RAD18: variants seen among roughly 807,000 people sequenced by gnomAD.
RAD18 encodes E3 ubiquitin-protein ligase RAD18.
Under a neutral mutation model 60.4 loss-of-function variants are expected in RAD18, and 47 were observed. That is an observed-to-expected ratio of 0.78 (90% confidence interval 0.62 to 0.99). The LOEUF (loss-of-function observed/expected upper bound fraction) is 0.99, where lower values mean the gene tolerates loss of function less well. Ranked by LOEUF, RAD18 falls within the 50% of genes least tolerant of loss-of-function variation. The pLI, the probability that RAD18 is intolerant of heterozygous loss-of-function variation, is 0.00. For synonymous variants in RAD18, 225 were observed against 195.5 expected (o/e 1.15, Z -1.26); for missense variants, 640 against 593.3 (o/e 1.08, Z -0.82).
chr3:8,925,252 A>G (rs1208945748), intron 7 of RAD18, among the ~76,000 whole-genome samples: 2 of 152,194 alleles, frequency 1.3e-5, no homozygotes, highest in East Asian at 3.8e-4. Context: ...CCACAGAAAT[A>G]CAAATTACCA....
Position 8,905,797 on chromosome 3 carries a change from A to T in RAD18, c.1028-3277T>A, listed in dbSNP as rs545251909. 2.0e-5 allele frequency among the ~76,000 whole-genome samples: 3 copies of T among 152,258 alleles called. No homozygotes were observed. In the South Asian group the frequency reaches 6.2e-4, roughly 32 times the overall value. Reference sequence around the variant, plus strand: ...CTATTCTCCAAAATATCTATCTCACACTTTCTTCTCTTCATTCAAATATTC... The same window carrying T: ...CTATTCTCCAAAATATCTATCTCACTCTTTCTTCTCTTCATTCAAATATTC... On this transcript the variant is annotated intron_variant, in intron 9 of 12. Transcript: ENST00000264926.
intron 7 of RAD18, among the ~76,000 whole-genome samples, chr3:8,918,884 CAAT>C (rs1940258706): frequency 6.6e-6 from 1 of 152,186 alleles, no homozygotes; most frequent in South Asian, 2.1e-4. Context: ...CCCATAGCAA[CAAT>C]GTCAGTGGAA....
At chr3:8,893,048 T>C (rs1939720531) in intron 11 of RAD18, among the ~76,000 whole-genome samples, 1 of 152,210 alleles carries the variant, frequency 6.6e-6, no homozygotes, top group South Asian at 2.1e-4. Flanking sequence ...CAAATGTCAG[T>C]TCCATTTTCA....
At chr3:8,888,741 T>C (rs982511489) in intron 12 of RAD18, among the ~76,000 whole-genome samples, 1 of 152,246 alleles carries the variant, frequency 6.6e-6, no homozygotes, top group African/African-American at 2.4e-5. Flanking sequence ...TTTACCTCTC[T>C]GGAGCCGAGC....
intron 1 of RAD18, 96 bp from the exon 2 acceptor site, chr3:8,959,097 A>T (rs1941057838): frequency 1.1e-6 from 1 of 931,262 alleles, no homozygotes; most frequent in Non-Finnish European, 1.7e-6. Context: ...AAAAAAATCA[A>T]ACTCTTTGTC....
chr3:8,947,782 C>G (rs987094034), intron 3 of RAD18, among the ~76,000 whole-genome samples: 2 of 152,194 alleles, frequency 1.3e-5, no homozygotes, highest in Non-Finnish European at 2.9e-5. Flanking sequence ...AGCGATGAGA[C>G]CATCTTGTCA....
At chr3:8,916,924 TGAA>T (rs1940211080) in intron 7 of RAD18, among the ~76,000 whole-genome samples, 1 of 152,102 alleles carries the variant, frequency 6.6e-6, no homozygotes, top group Non-Finnish European at 1.5e-5. Flanking sequence ...AAGAAATCGT[TGAA>T]GAACTGTCTA....
intron 7 of RAD18, among the ~76,000 whole-genome samples, chr3:8,933,621 A>G (rs1392303257): frequency 3.3e-5 from 5 of 152,224 alleles, no homozygotes; most frequent in Non-Finnish European, 7.3e-5. Flanking sequence ...CAAAAATATC[A>G]GAGAATAACT....
Position 8,902,611 on chromosome 3 carries a change from G to A in RAD18, c.1028-91C>T. On this transcript the variant is annotated intron_variant, in intron 9 of 12. Transcript: ENST00000264926. ...ACTGAATATCAAGAGGTGTACAAGG[G>A]ATGGGCATGGTGGCTTACGCCTGTA... 11 of 1,297,686 alleles carry A rather than the reference G, an allele frequency of 8.5e-6. No homozygotes were observed. The South Asian group carries it at 1.7e-4, about 21-fold the overall frequency. The allele number at this position is 1,297,686 out of a possible 1,614,324, so 80.4% of individuals were successfully genotyped here.
intron 8 of RAD18, among the ~76,000 whole-genome samples, chr3:8,913,361 C>T (rs1437566831): frequency 6.6e-6 from 1 of 152,166 alleles, no homozygotes; most frequent in African/African-American, 2.4e-5. Context: ...CAAACACAAC[C>T]AGCAGAGAAA....
chr3:8,925,602 C>A (rs1006678189), intron 7 of RAD18, among the ~76,000 whole-genome samples: 5 of 152,084 alleles, frequency 3.3e-5, no homozygotes, highest in African/African-American at 9.7e-5. Context: ...GGCAAAGACA[C>A]AACAAAAAAA....
intron 9 of RAD18, among the ~76,000 whole-genome samples, chr3:8,906,822 A>G (rs371811444): frequency 2.1e-5 from 3 of 142,080 alleles, no homozygotes; most frequent in African/African-American, 7.9e-5. Flanking sequence ...AAAATATGTT[A>G]TTTATGCTAA....
At chr3:8,883,147 A>G (rs1437335442) in intron 12 of RAD18, among the ~76,000 whole-genome samples, 3 of 152,222 alleles carry the variant, frequency 2.0e-5, no homozygotes, top group Non-Finnish European at 4.4e-5. Flanking sequence ...CTGTGGGACA[A>G]TAAAAATGGC....
rs1940147061 is a variant in RAD18 at position 8,913,716 on chromosome 3, A to G, written c.894T>C (p.Ala298=). Residue 298 remains alanine, a synonymous_variant, in exon 8 of 13, where the codon GCT becomes GCC. Transcript: ENST00000264926. ...QCDALHPKSA[A]EIVREIENIE... Reference sequence around the variant, plus strand: ...TATTTTCGATTTCTCGAACTATTTCAGCAGCTGTTAAAATAAGAAAATAAC... The same window carrying G: ...TATTTTCGATTTCTCGAACTATTTCGGCAGCTGTTAAAATAAGAAAATAAC... 2.6e-6 allele frequency: 4 copies of G among 1,550,056 alleles called. No homozygotes were observed. In the South Asian group the frequency reaches 4.8e-5, roughly 19 times the overall value.
intron 5 of RAD18, among the ~76,000 whole-genome samples, chr3:8,939,943 T>C (rs902237543): frequency 6.6e-6 from 1 of 152,204 alleles, no homozygotes; most frequent in African/African-American, 2.4e-5. Flanking sequence ...GGTTACATCT[T>C]TTCTACCAAG....
intron 2 of RAD18, among the ~76,000 whole-genome samples, chr3:8,950,370 A>C (rs45441803): frequency 0.021 from 3,201 of 152,224 alleles, 63 homozygotes; most frequent in Non-Finnish European, 0.025. Context: ...CTCCCTCAGA[A>C]GAAACTATTT....
intron 12 of RAD18, among the ~76,000 whole-genome samples, chr3:8,881,919 G>A (rs1018418050): frequency 6.6e-6 from 1 of 152,244 alleles, no homozygotes; most frequent in African/African-American, 2.4e-5. Context: ...GAGTGTTGGA[G>A]AACGAGGTGG....
intron 12 of RAD18, among the ~76,000 whole-genome samples, chr3:8,888,480 C>T (rs992959518): frequency 1.3e-5 from 2 of 152,148 alleles, no homozygotes; most frequent in Admixed American, 1.3e-4. Flanking sequence ...CTCAAATATG[C>T]CACTTGTGGT....
At chr3:8,948,473 G>C in intron 3 of RAD18, 36 bp downstream of exon 3, 1 of 1,550,632 alleles carries the variant, frequency 6.4e-7, no homozygotes, top group Non-Finnish European at 8.9e-7. Context: ...ATTTGCAGCA[G>C]TCAGTAAGTT....
Sources: gnomAD v4.1 joint callset for allele counts (sites outside exome capture counted in the v4.1 genomes callset) on GRCh38, gnomAD v4.1.1 for gene constraint, MANE v1.5 for transcripts, NCBI Gene and HGNC (gene_info 2026-07-23, HGNC 2026-07-21) for gene names.